The following SEMA6A variants were observed in gnomAD, a reference collection of about 807,000 sequenced individuals.
SEMA6A encodes semaphorin 6A.
SEMA6A carries 25 observed loss-of-function variants against 96.8 expected under a neutral mutation model. The observed-to-expected ratio is 0.26, with a 90% CI of 0.19 to 0.36. The LOEUF (loss-of-function observed/expected upper bound fraction) is 0.36. Among genes scored for constraint, SEMA6A ranks in the 10% least tolerant of loss-of-function variants. The pLI is 1.00. For missense variants in SEMA6A, 1,363 were observed against 1,323.1 expected (o/e 1.03, Z -0.47); for synonymous variants, 612 against 518.0 (o/e 1.18, Z -2.46).
chr5:116,459,007 C>T (rs986202851), intron 18 of SEMA6A, among the ~76,000 whole-genome samples: 1 of 152,094 alleles, frequency 6.6e-6, no homozygotes, highest in Admixed American at 6.6e-5. Context: ...AAGACGGAGA[C>T]TACATATAGA....
At chr5:116,459,521 G>A (rs138430469) in intron 18 of SEMA6A, among the ~76,000 whole-genome samples, 5 of 152,084 alleles carry the variant, frequency 3.3e-5, no homozygotes, top group East Asian at 3.9e-4. Flanking sequence ...CATTCTAGTC[G>A]TCCATACACT....
Position 116,446,751 on chromosome 5 carries a change from C to A in SEMA6A, c.2955G>T (p.Arg985Ser). ...AGTTGTAGGCGTTGAGGCTGGGCTG[C>A]CTCGAGACAGTCACGGCCTGGCCAG... Reference protein sequence around the residue: ...QPSGQAVTVSRQPSLNAYNSL... With the variant: ...QPSGQAVTVSSQPSLNAYNSL... The change falls in exon 19 of 19, where the codon AGG (arginine) becomes AGT (serine). Residue 985 changes from arginine to serine, a missense_variant. This residue lies in a region of SEMA6A where 883 missense variants were observed against 763.6 expected (regional missense o/e 1.16). Transcript: ENST00000343348. The A allele has an allele frequency of 6.2e-7, 1 of 1,608,064 alleles. No homozygotes were observed. Among genetic ancestry groups the A allele is most frequent in the South Asian group, 1.1e-5 (1 of 90,308 alleles).
intron 18 of SEMA6A, among the ~76,000 whole-genome samples, chr5:116,454,247 G>A (rs766137294): frequency 1.3e-5 from 2 of 152,188 alleles, no homozygotes; most frequent in Non-Finnish European, 2.9e-5. Flanking sequence ...GAGAGGGTTT[G>A]TGTTGGGTCT....
intron 1 of SEMA6A, among the ~76,000 whole-genome samples, chr5:116,506,535 C>T (rs74702199): frequency 0.022 from 3,280 of 152,218 alleles, 119 homozygotes; most frequent in African/African-American, 0.075. Flanking sequence ...AAAATCTGAA[C>T]TCAAAGGAAA....
chr5:116,443,862 C>A lies in SEMA6A; in HGVS notation c.*2751G>T, dbSNP rs989164193. 2 of 152,610 alleles carry A rather than the reference C, an allele frequency of 1.3e-5. No homozygotes were observed. The highest frequency in any genetic ancestry group is 2.9e-5 in the Non-Finnish European group (2 of 68,046). The allele number at this position is 152,610 out of a possible 1,614,324, so 9.5% of individuals were successfully genotyped here. A position where few individuals can be genotyped will look rare whatever the true frequency, so the allele number is the denominator to read the frequency against. On this transcript the variant is annotated 3_prime_UTR_variant, in exon 19 of 19. Coordinates refer to ENST00000343348, the MANE Select transcript of SEMA6A (RefSeq NM_020796.5). ...TGGGGAAAAAAACTGGGGAGAAATA[C>A]TTAAATGCAGAAGACCAGCTCAATA...
chr5:116,463,502 C>T (rs1405746921), intron 18 of SEMA6A, among the ~76,000 whole-genome samples: 3 of 152,110 alleles, frequency 2.0e-5, no homozygotes, highest in African/African-American at 7.2e-5. Flanking sequence ...AATATTATTT[C>T]CCAAACTAAA....
In SEMA6A at chr5:116,446,424, C is replaced by A; in HGVS notation, c.*189G>T. 4.0e-6 allele frequency: 2 copies of A among 494,738 alleles called. No individual in the cohort carries two copies. The highest frequency in any genetic ancestry group is 7.0e-6 in the Non-Finnish European group (2 of 286,248). The allele number at this position is 494,738 out of a possible 1,614,324, so 30.6% of individuals were successfully genotyped here. ...GAAGGTGAGTCCCCGCCGTTGCAAACCTTCACCAAACCACGCGGCCCAGTT... is the reference window on the plus strand; with the variant it reads ...GAAGGTGAGTCCCCGCCGTTGCAAAACTTCACCAAACCACGCGGCCCAGTT... On this transcript the variant is annotated 3_prime_UTR_variant, in exon 19 of 19. Coordinates refer to ENST00000343348, the MANE Select transcript of SEMA6A (RefSeq NM_020796.5).
rs76267565 is a variant in SEMA6A at position 116,489,659 on chromosome 5, T to C, written c.536-652A>G. On this transcript the variant is annotated intron_variant, in intron 7 of 18. Transcript: ENST00000343348. ...AACTAAAAACATTCCGAAACACAGC[T>C]TGGCTAAAGCCAAGAAGAAAGGGGA... Among the ~76,000 whole-genome samples the C allele has an allele frequency of 8.6e-3, 1,311 of 152,310 alleles. 53 individuals carry two copies. Among genetic ancestry groups the C allele is most frequent in the East Asian group, 0.052 (271 of 5,172 alleles).
intron 3 of SEMA6A, 145 bp from the exon 4 acceptor site, chr5:116,497,532 T>G (rs142892422): frequency 5.4e-6 from 3 of 552,602 alleles, no homozygotes; most frequent in African/African-American, 1.9e-5. Flanking sequence ...AGCGCAGCCT[T>G]CAAGAGATGT....
chr5:116,539,350 G>C lies in SEMA6A; in HGVS notation c.-38-34368C>G, dbSNP rs550839066. Among the ~76,000 whole-genome samples, 3 of 152,274 alleles carry C rather than the reference G, an allele frequency of 2.0e-5. No homozygotes were observed. In the South Asian group the frequency reaches 6.2e-4, roughly 32 times the overall value. On this transcript the variant is annotated intron_variant, in intron 1 of 18. Transcript: ENST00000343348. ...ATTCTAAGGTTGCTAAAGATCTATA[G>C]ACTATTGAGTAGGCACATAATCTGA...
chr5:116,566,837 A>G (rs533112582), intron 1 of SEMA6A, among the ~76,000 whole-genome samples: 4 of 152,172 alleles, frequency 2.6e-5, no homozygotes, highest in Admixed American at 2.0e-4. Flanking sequence ...TTTTGCTCCC[A>G]AATTGATTTC....
chr5:116,446,759 C>G lies in SEMA6A; in HGVS notation c.2947G>C (p.Val983Leu). Residue 983 changes from valine to leucine, a missense_variant, in exon 19 of 19, where the codon GTC (valine) becomes CTC (leucine). By Grantham distance (32) the Val-to-Leu change is conservative (BLOSUM62 1). Coordinates refer to ENST00000343348, the MANE Select transcript of SEMA6A (RefSeq NM_020796.5). ...GCGTTGAGGCTGGGCTGCCTCGAGA[C>G]AGTCACGGCCTGGCCAGATGGCTGG... The part of the protein sequence containing the change: ...SSQPSGQAVT[V>L]SRQPSLNAYN... 1 of 1,609,698 alleles carries G rather than the reference C, an allele frequency of 6.2e-7. No individual in the cohort carries two copies. Among genetic ancestry groups the G allele is most frequent in the Non-Finnish European group, 8.5e-7 (1 of 1,177,746 alleles).
intron 7 of SEMA6A, among the ~76,000 whole-genome samples, chr5:116,491,437 A>G (rs1442092928): frequency 6.7e-6 from 1 of 149,616 alleles, no homozygotes; most frequent in African/African-American, 2.5e-5. Flanking sequence ...TTTTTTTTTT[A>G]CATTGGTGGT....
chr5:116,562,307 G>T (rs1490405799), intron 1 of SEMA6A, among the ~76,000 whole-genome samples: 1 of 152,088 alleles, frequency 6.6e-6, no homozygotes, highest in Admixed American at 6.5e-5. Context: ...AACTAGATGG[G>T]TTATATGCTA....
At chr5:116,534,479 G>A (rs577270009) in intron 1 of SEMA6A, among the ~76,000 whole-genome samples, 5 of 152,198 alleles carry the variant, frequency 3.3e-5, no homozygotes, top group African/African-American at 4.8e-5. Flanking sequence ...AGCACACTCC[G>A]CTCCCTCTCC....
intron 18 of SEMA6A, among the ~76,000 whole-genome samples, chr5:116,466,062 A>AC (rs1472790472): frequency 2.1e-5 from 1 of 46,820 alleles, no homozygotes; most frequent in Non-Finnish European, 7.2e-5. Flanking sequence ...ACCAGCTTAA[A>AC]AAAAAAAAAA....
intron 1 of SEMA6A, among the ~76,000 whole-genome samples, chr5:116,523,447 G>C (rs1759059118): frequency 6.6e-6 from 1 of 152,088 alleles, no homozygotes; most frequent in Admixed American, 6.5e-5. Context: ...CCGAGTCTGA[G>C]ACTACAGGCA....
At chr5:116,455,456 G>A (rs1754954033) in intron 18 of SEMA6A, among the ~76,000 whole-genome samples, 1 of 152,120 alleles carries the variant, frequency 6.6e-6, no homozygotes, top group African/African-American at 2.4e-5. Context: ...TCTTAAATAA[G>A]ACGAGAAACA....
At chr5:116,567,824 AC>A (rs1442068295) in intron 1 of SEMA6A, among the ~76,000 whole-genome samples, 10 of 152,206 alleles carry the variant, frequency 6.6e-5, no homozygotes, top group Non-Finnish European at 1.5e-4. Flanking sequence ...GTCCTGGTTC[AC>A]CCTGACATAT....
Sources: allele counts gnomAD v4.1 joint callset (sites outside exome capture counted in the v4.1 genomes callset), GRCh38; gene constraint gnomAD v4.1.1; regional missense constraint gnomAD v4.1.1; transcripts MANE v1.5; gene names NCBI Gene and HGNC (gene_info 2026-07-23, HGNC 2026-07-21).